The following RANBP2 variants were observed in gnomAD, a reference collection of about 807,000 sequenced individuals.
The protein encoded by RANBP2 is RAN binding protein 2.
Under a neutral mutation model 303.6 loss-of-function variants are expected in RANBP2, and 57 were observed. The ratio of observed to expected loss-of-function variants is 0.19; its 90% confidence interval spans 0.15 to 0.23. The LOEUF (loss-of-function observed/expected upper bound fraction) is 0.23. RANBP2 is among the 10% of genes least tolerant of loss of function. The pLI, the probability that RANBP2 is intolerant of heterozygous loss-of-function variation, is 1.00. For synonymous variants in RANBP2, 1,167 were observed against 1,301.5 expected (o/e 0.90, Z 2.23); for missense variants, 3,138 against 3,780.8 (o/e 0.83, Z 4.46).
the RANBP2 span, among the ~76,000 whole-genome samples, chr2:109,596,133 G>A: frequency 6.6e-6 from 1 of 152,136 alleles, no homozygotes; most frequent in African/African-American, 2.4e-5. Context: ...CTGGGCTCAG[G>A]CGATCCTCCC....
At chr2:109,002,432 C>T in the RANBP2 span, among the ~76,000 whole-genome samples, 10 of 152,350 alleles carry the variant, frequency 6.6e-5, no homozygotes, top group East Asian at 1.9e-3. Flanking sequence ...CTCCTTGCTT[C>T]CATCCTCCAC....
chr2:109,312,371 C>T, the RANBP2 span, among the ~76,000 whole-genome samples: 1 of 152,102 alleles, frequency 6.6e-6, no homozygotes, highest in Non-Finnish European at 1.5e-5. Context: ...TGGTATAATA[C>T]TTATAACATG....
At chr2:109,143,638 T>C in the RANBP2 span, among the ~76,000 whole-genome samples, 3 of 152,076 alleles carry the variant, frequency 2.0e-5, no homozygotes, top group East Asian at 3.9e-4. Flanking sequence ...CCTGTAGTCC[T>C]AGATACATAA....
At chr2:109,732,820 TG>T in the RANBP2 span, 1 of 1,271,128 alleles carries the variant, frequency 7.9e-7, no homozygotes, top group Non-Finnish European at 1.1e-6. Context: ...GTGTGTGGGT[TG>T]CTAGAAACCC....
chr2:108,752,064 G>C, intron 12 of RANBP2, 70 bp downstream of exon 12: 1 of 1,601,514 alleles, frequency 6.2e-7, no homozygotes. Context: ...ACTTTTTATT[G>C]AAAGTTTTTT....
chr2:109,056,094 G>A, the RANBP2 span, among the ~76,000 whole-genome samples: 1 of 152,164 alleles, frequency 6.6e-6, no homozygotes, highest in South Asian at 2.1e-4. Flanking sequence ...TTATTTTGCT[G>A]TTGCTCAGAA....
the RANBP2 span, among the ~76,000 whole-genome samples, chr2:108,877,377 A>G: frequency 1.3e-5 from 2 of 152,070 alleles, no homozygotes; most frequent in African/African-American, 2.4e-5. Context: ...GAGGCAGGAG[A>G]ACCACTTCAA....
chr2:108,800,169 C>A, the RANBP2 span, among the ~76,000 whole-genome samples: 1 of 152,142 alleles, frequency 6.6e-6, no homozygotes, highest in African/African-American at 2.4e-5. Flanking sequence ...TCAAGACCTT[C>A]TGGTTAATGC....
At chr2:109,298,117 G>T in the RANBP2 span, among the ~76,000 whole-genome samples, 1 of 152,200 alleles carries the variant, frequency 6.6e-6, no homozygotes, top group Non-Finnish European at 1.5e-5. Context: ...GGGATGCAGA[G>T]GTGAATAGGG....
chr2:109,249,118 C>T, the RANBP2 span, among the ~76,000 whole-genome samples: 291 of 152,288 alleles, frequency 1.9e-3, no homozygotes, highest in Non-Finnish European at 2.8e-3. Context: ...TGGCTTCAAG[C>T]AATTTCCCTG....
intron 11 of RANBP2, 36 bp downstream of exon 11, chr2:108,751,739 T>A: frequency 1.2e-6 from 2 of 1,611,656 alleles, no homozygotes; most frequent in African/African-American, 1.3e-5. Flanking sequence ...TTTCACTTAG[T>A]GCGTAGGTTT....
chr2:108,819,452 A>G, the RANBP2 span, among the ~76,000 whole-genome samples: 1 of 152,176 alleles, frequency 6.6e-6, no homozygotes, highest in Non-Finnish European at 1.5e-5. Flanking sequence ...ATGGTAGCAT[A>G]GTTTGGAAGC....
At chr2:108,798,695 T>C in the RANBP2 span, 3 of 705,636 alleles carry the variant, frequency 4.3e-6, no homozygotes, top group South Asian at 3.9e-5. Flanking sequence ...CCCTTCCTCC[T>C]CCTCTCCACG....
At chr2:109,579,571 C>T in the RANBP2 span, among the ~76,000 whole-genome samples, 1 of 151,244 alleles carries the variant, frequency 6.6e-6, no homozygotes, top group Non-Finnish European at 1.5e-5. Flanking sequence ...TTGGTAGAGA[C>T]GGGGTTTCAC....
the RANBP2 span, among the ~76,000 whole-genome samples, chr2:109,211,637 T>C: frequency 6.9e-6 from 1 of 144,746 alleles, no homozygotes; most frequent in African/African-American, 2.6e-5. Flanking sequence ...CGGCCCTTCC[T>C]GCATTTCTTT....
At chr2:109,447,236 C>T in the RANBP2 span, among the ~76,000 whole-genome samples, 7 of 151,008 alleles carry the variant, frequency 4.6e-5, no homozygotes, top group South Asian at 2.1e-4. Flanking sequence ...TATTTCACCT[C>T]GTAGAAACAG....
At chr2:109,614,779 T>C in the RANBP2 span, 16 of 1,477,564 alleles carry the variant, frequency 1.1e-5, no homozygotes, top group Admixed American at 3.7e-4. Context: ...CCGCCGCGAA[T>C]CCAGGTGACC....
At chr2:108,805,801 C>T in the RANBP2 span, among the ~76,000 whole-genome samples, 1 of 152,090 alleles carries the variant, frequency 6.6e-6, no homozygotes, top group Middle Eastern at 3.4e-3. Context: ...TGAGTTATGT[C>T]TATTTTTTTC....
chr2:108,924,481 C>G, the RANBP2 span, among the ~76,000 whole-genome samples: 2 of 152,218 alleles, frequency 1.3e-5, no homozygotes, highest in African/African-American at 2.4e-5. Flanking sequence ...TGAGCGGTGC[C>G]AACACTTTCC....
Sources: gnomAD v4.1 joint callset for allele counts (sites outside exome capture counted in the v4.1 genomes callset) on GRCh38, gnomAD v4.1.1 for gene constraint, MANE v1.5 for transcripts, NCBI Gene and HGNC (gene_info 2026-07-23, HGNC 2026-07-21) for gene names.